SEC22A: variants seen among roughly 807,000 people sequenced by gnomAD.
SEC22A encodes vesicle-trafficking protein SEC22a.
Under a neutral mutation model 35.3 loss-of-function variants are expected in SEC22A, and 22 were observed. The ratio of observed to expected loss-of-function variants is 0.62; its 90% CI spans 0.45 to 0.89. The LOEUF (loss-of-function observed/expected upper bound fraction) is 0.89. Ranked by LOEUF, SEC22A falls within the 40% of genes least tolerant of loss-of-function variation. The pLI, the probability that SEC22A is intolerant of heterozygous loss-of-function variation, is 0.00. For synonymous variants in SEC22A, 119 were observed against 129.5 expected (o/e 0.92, Z 0.55); for missense variants, 354 against 362.5 (o/e 0.98, Z 0.19).
At chr3:123,260,047 G>T (rs1219821723) in intron 6 of SEC22A, among the ~76,000 whole-genome samples, 1 of 143,060 alleles carries the variant, frequency 7.0e-6, no homozygotes, top group Non-Finnish European at 1.5e-5. Context: ...CAGGAGAATT[G>T]CTTGAACCCA....
At chr3:123,261,912 G>A (rs967321737) in intron 6 of SEC22A, among the ~76,000 whole-genome samples, 3 of 152,144 alleles carry the variant, frequency 2.0e-5, no homozygotes, top group Admixed American at 6.5e-5. Context: ...GAGTTGCTTC[G>A]TGGTAGAGTG....
At chr3:123,256,276 A>C (rs1193887538) in intron 5 of SEC22A, among the ~76,000 whole-genome samples, 2 of 152,226 alleles carry the variant, frequency 1.3e-5, no homozygotes, top group African/African-American at 2.4e-5. Flanking sequence ...TCTTTCCTGA[A>C]GCAGACTGAA....
intron 6 of SEC22A, among the ~76,000 whole-genome samples, chr3:123,260,087 G>A (rs535600855): frequency 1.5e-5 from 2 of 129,264 alleles, no homozygotes; most frequent in South Asian, 2.6e-4. Context: ...AGCCAAGATC[G>A]CGCCACTGCA....
At chr3:123,246,245 G>T (rs1937565502) in intron 5 of SEC22A, among the ~76,000 whole-genome samples, 1 of 152,170 alleles carries the variant, frequency 6.6e-6, no homozygotes, top group Non-Finnish European at 1.5e-5. Context: ...GCACCCTGGG[G>T]ACCCCAAGAT....
intron 2 of SEC22A, 113 bp downstream of exon 2, chr3:123,209,512 A>G (rs1234931472): frequency 3.7e-6 from 3 of 802,440 alleles, no homozygotes; most frequent in Admixed American, 5.5e-5. Context: ...CAAGTCGAGC[A>G]TCATATTGTT....
chr3:123,239,647 T>A (rs1056888257), intron 4 of SEC22A, among the ~76,000 whole-genome samples: 1 of 152,188 alleles, frequency 6.6e-6, no homozygotes, highest in Non-Finnish European at 1.5e-5. Flanking sequence ...TGTATGTTCA[T>A]ATCCTTCGCC....
At chr3:123,212,648 T>C (rs1936956117) in intron 2 of SEC22A, among the ~76,000 whole-genome samples, 1 of 152,196 alleles carries the variant, frequency 6.6e-6, no homozygotes, top group African/African-American at 2.4e-5. Context: ...CTGAAAATTC[T>C]AGATTTTGTA....
intron 6 of SEC22A, among the ~76,000 whole-genome samples, chr3:123,264,988 T>C (rs1423258022): frequency 6.6e-6 from 1 of 152,134 alleles, no homozygotes; most frequent in Non-Finnish European, 1.5e-5. Flanking sequence ...TTCACTGTTT[T>C]TCTTAAAGAG....
intron 1 of SEC22A, among the ~76,000 whole-genome samples, chr3:123,203,238 C>A (rs143724826): frequency 9.9e-5 from 15 of 151,372 alleles, no homozygotes; most frequent in African/African-American, 3.6e-4. Context: ...GTCACCTACT[C>A]GTTTAGGGAT....
At chr3:123,230,809 G>A (rs7626920) in intron 4 of SEC22A, among the ~76,000 whole-genome samples, 31,584 of 150,708 alleles carry the variant, frequency 0.21, 3,414 homozygotes, top group Middle Eastern at 0.28. Context: ...CAGTAATAAT[G>A]TTATATATGA....
chr3:123,266,932 TG>T (rs1257047753), intron 6 of SEC22A, among the ~76,000 whole-genome samples: 1 of 152,180 alleles, frequency 6.6e-6, no homozygotes, highest in Non-Finnish European at 1.5e-5. Context: ...GTAGCTATGT[TG>T]TTTGGTTCAT....
rs567360115 is a variant in SEC22A, at chr3:123,224,906, A to C, written c.347-197A>C. Among the ~76,000 whole-genome samples, 63 of 152,306 alleles carry C rather than the reference A, an allele frequency of 4.1e-4. No homozygotes were observed. The South Asian group carries it at 0.013, about 31-fold the overall frequency. On this transcript the variant is annotated intron_variant, in intron 3 of 6. Coordinates refer to ENST00000492595, the MANE Select transcript of SEC22A (RefSeq NM_012430.5). The stretch of plus-strand genomic sequence containing the variant: ...TTAAATCCTTAGTTTATTTAAAATT[A>C]CTGATTTCTAGAGGGTAAAACTGAT...
Position 123,259,592 on chromosome 3 carries a change from A to G in SEC22A, c.723+3A>G, listed in dbSNP as rs767392675. On this transcript the variant is annotated splice_donor_region_variant and intron_variant, in intron 6 of 6. Transcript: ENST00000492595. ...GAACAGCAGCCTGCCTTTACCAGGT[A>G]GGTTTTCTTCCATTTTAAAGAAACA... is the stretch of plus-strand genomic sequence containing the variant. 10 of 1,606,060 alleles carry G rather than the reference A, an allele frequency of 6.2e-6. No individual in the cohort carries two copies. The highest frequency in any genetic ancestry group is 8.5e-6 in the Non-Finnish European group (10 of 1,173,400).
intron 6 of SEC22A, among the ~76,000 whole-genome samples, chr3:123,269,175 A>ATG (rs1491362924): frequency 1.0e-4 from 8 of 79,356 alleles, no homozygotes; most frequent in African/African-American, 6.1e-5. Flanking sequence ...CTTGAATTAA[A>ATG]TATATGTGTG....
rs932508854 is a variant in SEC22A at position 123,201,982 on chromosome 3, G to T, written c.-24G>T. 6.6e-6 allele frequency: 1 copy of T among 152,568 alleles called. No homozygotes were observed. Among genetic ancestry groups the T allele is most frequent in the African/African-American group, 2.4e-5 (1 of 41,392 alleles). The allele number at this position is 152,568 out of a possible 1,614,324, so 9.5% of individuals were successfully genotyped here. On this transcript the variant is annotated 5_prime_UTR_variant, in exon 1 of 7. Transcript: ENST00000492595. The stretch of plus-strand genomic sequence containing the variant: ...CACTCGGAGCGGCGGGTCCCGTCTC[G>T]ACAGGTACTCCCCGGCCCCTCCCAG...
At chr3:123,214,087 CAGG>C (rs1394186657) in intron 2 of SEC22A, among the ~76,000 whole-genome samples, 4 of 152,078 alleles carry the variant, frequency 2.6e-5, no homozygotes, top group African/African-American at 9.7e-5. Context: ...CCAAGCTACT[CAGG>C]AGGCTGAGGC....
intron 5 of SEC22A, among the ~76,000 whole-genome samples, chr3:123,249,079 G>A (rs1459131956): frequency 2.6e-5 from 4 of 152,108 alleles, no homozygotes; most frequent in African/African-American, 7.2e-5. Context: ...CAGAACTCAC[G>A]GAAATATGTT....
At chr3:123,256,445 G>C (rs1461835957) in intron 5 of SEC22A, among the ~76,000 whole-genome samples, 2 of 100,072 alleles carry the variant, frequency 2.0e-5, no homozygotes, top group African/African-American at 7.2e-5. Flanking sequence ...AGAAGCCTCT[G>C]AGTCAATCTT....
In SEC22A at chr3:123,271,667, C is replaced by T. The variant is rs773473855; in HGVS notation, c.869C>T (p.Thr290Ile). ...CATGTGACTGTGGGAGCATTTGTTA[C>T]ACTACAGATCTGGCTAAGGCAAGCC... is the stretch of plus-strand genomic sequence containing the variant. ...FFHVTVGAFVTLQIWLRQAQG... is the reference protein window; with the variant it reads ...FFHVTVGAFVILQIWLRQAQG... The change falls in exon 7 of 7, where the codon ACA becomes ATA. Residue 290 changes from threonine (T) to isoleucine (I), a missense_variant. Coordinates refer to ENST00000492595, the MANE Select transcript of SEC22A (RefSeq NM_012430.5). 1.2e-6 allele frequency: 2 copies of T among 1,614,168 alleles called. No homozygotes were observed. Among genetic ancestry groups the T allele is most frequent in the Admixed American group, 1.7e-5 (1 of 60,008 alleles).
Sources: allele counts gnomAD v4.1 joint callset (sites outside exome capture counted in the v4.1 genomes callset), GRCh38; gene constraint gnomAD v4.1.1; transcripts MANE v1.5; gene names NCBI Gene and HGNC (gene_info 2026-07-23, HGNC 2026-07-21).